The following POFUT3 variants were observed in gnomAD, a reference collection of about 807,000 sequenced individuals.
POFUT3 encodes the protein protein O-fucosyltransferase 3, also known as GDP-fucose protein O-fucosyltransferase 3.
the POFUT3 span, among the ~76,000 whole-genome samples, chr8:33,426,077 G>C: frequency 6.6e-6 from 1 of 151,750 alleles, no homozygotes; most frequent in Non-Finnish European, 1.5e-5. Context: ...CTAATTTTTT[G>C]TATTTTCAGT....
the POFUT3 span, among the ~76,000 whole-genome samples, chr8:33,379,639 C>A: frequency 6.6e-6 from 1 of 151,348 alleles, no homozygotes; most frequent in South Asian, 2.1e-4. Flanking sequence ...AGTTCTAGGC[C>A]AGCCTGGCCA....
chr8:33,380,202 C>CTATATATATATACTATATATATATAG, the POFUT3 span, among the ~76,000 whole-genome samples: 1 of 37,652 alleles, frequency 2.7e-5, no homozygotes, highest in Admixed American at 5.0e-4. Flanking sequence ...TATATATATA[C>CTATATATATATACTATATATATATAG]TATATATATA....
the POFUT3 span, among the ~76,000 whole-genome samples, chr8:33,336,526 G>T: frequency 1.3e-5 from 2 of 152,104 alleles, no homozygotes; most frequent in Non-Finnish European, 2.9e-5. Flanking sequence ...TAACAACTGG[G>T]TCTCATAAGC....
chr8:33,325,105 T>G, the POFUT3 span, among the ~76,000 whole-genome samples: 1 of 152,186 alleles, frequency 6.6e-6, no homozygotes, highest in Non-Finnish European at 1.5e-5. Context: ...AGCTAAAAAT[T>G]TGGGTCAAGC....
chr8:33,343,094 GA>G, the POFUT3 span, among the ~76,000 whole-genome samples: 1 of 148,028 alleles, frequency 6.8e-6, no homozygotes, highest in Non-Finnish European at 1.5e-5. Flanking sequence ...CTGGGCGACA[GA>G]GCAAGACTCC....
the POFUT3 span, chr8:33,453,438 T>G: frequency 1.2e-6 from 2 of 1,614,014 alleles, no homozygotes; most frequent in Admixed American, 3.3e-5. Context: ...GCTTCCTCCA[T>G]TTTTGTATGT....
At chr8:33,388,979 A>G in the POFUT3 span, 1 of 1,614,052 alleles carries the variant, frequency 6.2e-7, no homozygotes, top group Non-Finnish European at 8.5e-7. Flanking sequence ...CTGAAGCCTG[A>G]TATTAGCCCA....
At chr8:33,340,665 C>T in the POFUT3 span, among the ~76,000 whole-genome samples, 1 of 152,054 alleles carries the variant, frequency 6.6e-6, no homozygotes, top group East Asian at 1.9e-4. Flanking sequence ...AAGTAGACTT[C>T]AGAGCCAAAA....
the POFUT3 span, among the ~76,000 whole-genome samples, chr8:33,383,283 T>C: frequency 1.3e-5 from 2 of 152,154 alleles, no homozygotes; most frequent in African/African-American, 4.8e-5. Flanking sequence ...CTGTTTTCTG[T>C]GGAAGCCAGG....
the POFUT3 span, among the ~76,000 whole-genome samples, chr8:33,395,301 C>T: frequency 7.2e-5 from 11 of 152,120 alleles, no homozygotes; most frequent in Admixed American, 3.9e-4. Context: ...ACCCCAAGCT[C>T]CACTGGCAGA....
chr8:33,354,573 T>C, the POFUT3 span, among the ~76,000 whole-genome samples: 30 of 152,240 alleles, frequency 2.0e-4, no homozygotes, highest in African/African-American at 6.8e-4. Context: ...CCTGTTTTCA[T>C]TGGCGATCTT....
chr8:33,442,458 T>C, the POFUT3 span, among the ~76,000 whole-genome samples: 1 of 151,766 alleles, frequency 6.6e-6, no homozygotes, highest in Non-Finnish European at 1.5e-5. Flanking sequence ...CAGCTAATTA[T>C]TTTTTTAGTT....
the POFUT3 span, among the ~76,000 whole-genome samples, chr8:33,335,562 C>T: frequency 1.3e-5 from 2 of 152,100 alleles, no homozygotes; most frequent in Non-Finnish European, 1.5e-5. Flanking sequence ...ATAATACAAT[C>T]GACTTTTGAC....
At chr8:33,309,157 AAAAAAAAAAAATAT>A in the POFUT3 span, among the ~76,000 whole-genome samples, 469 of 49,334 alleles carry the variant, frequency 9.5e-3, 1 homozygote, top group Non-Finnish European at 0.013. Context: ...AAAAAAAAAA[AAAAAAAAAAAATAT>A]ATATATATAT....
At chr8:33,426,489 T>C in the POFUT3 span, among the ~76,000 whole-genome samples, 105,519 of 152,086 alleles carry the variant, frequency 0.69, 37,633 homozygotes, top group African/African-American at 0.86. Context: ...ATTGACAAGC[T>C]TACAAAATTT....
the POFUT3 span, among the ~76,000 whole-genome samples, chr8:33,466,176 G>T: frequency 6.6e-6 from 1 of 152,038 alleles, no homozygotes; most frequent in Non-Finnish European, 1.5e-5. Flanking sequence ...GGTGGTTCTG[G>T]GAGACTGAGG....
the POFUT3 span, among the ~76,000 whole-genome samples, chr8:33,367,785 G>A: frequency 1.3e-5 from 2 of 151,688 alleles, no homozygotes; most frequent in African/African-American, 2.4e-5. Flanking sequence ...AGCAACTTAC[G>A]TTACATTCAT....
chr8:33,404,207 G>T, the POFUT3 span, among the ~76,000 whole-genome samples: 1 of 152,024 alleles, frequency 6.6e-6, no homozygotes, highest in Non-Finnish European at 1.5e-5. Context: ...GTGTGGTGGT[G>T]CATGCCTGTA....
At chr8:33,432,316 A>C in the POFUT3 span, among the ~76,000 whole-genome samples, 1 of 151,776 alleles carries the variant, frequency 6.6e-6, no homozygotes, top group African/African-American at 2.4e-5. Flanking sequence ...CTGAGGCAGG[A>C]GAACTGCTTG....
Sources: gnomAD v4.1 joint callset for allele counts (sites outside exome capture counted in the v4.1 genomes callset) on GRCh38, gnomAD v4.1.1 for gene constraint, MANE v1.5 for transcripts, NCBI Gene and HGNC (gene_info 2026-07-23, HGNC 2026-07-21) for gene names.